The following OTUD7A variants were observed in gnomAD, a reference collection of about 807,000 sequenced individuals.
OTUD7A encodes OTU domain-containing protein 7A.
OTUD7A carries 12 observed loss-of-function variants against 65.7 expected under a neutral mutation model. The ratio of observed to expected loss-of-function variants is 0.18; its 90% CI spans 0.12 to 0.30. OTUD7A has a LOEUF of 0.30. Ranked by LOEUF, OTUD7A falls within the 10% of genes least tolerant of loss-of-function variation. OTUD7A has a pLI of 1.00. For missense variants in OTUD7A, 1,148 were observed against 1,304.8 expected (o/e 0.88, Z 1.85); for synonymous variants, 641 against 586.3 (o/e 1.09, Z -1.35).
At chr15:31,778,790 G>C (rs2032546829) in intron 1 of OTUD7A, among the ~76,000 whole-genome samples, 1 of 151,976 alleles carries the variant, frequency 6.6e-6, no homozygotes, top group South Asian at 2.1e-4. Flanking sequence ...ACCGAGTGGG[G>C]GATTCATTTA....
At chr15:31,670,669 T>G (rs1212328728) in intron 1 of OTUD7A, among the ~76,000 whole-genome samples, 2 of 152,204 alleles carry the variant, frequency 1.3e-5, no homozygotes, top group African/African-American at 4.8e-5. Flanking sequence ...TTCTGGATAT[T>G]AGACCTTTAT....
chr15:31,550,308 C>A (rs1167683097), intron 5 of OTUD7A, among the ~76,000 whole-genome samples: 4 of 152,122 alleles, frequency 2.6e-5, no homozygotes, highest in African/African-American at 4.8e-5. Context: ...AGACAGCATG[C>A]ACCCTGGGCA....
Position 31,789,981 on chromosome 15 carries a change from A to T in OTUD7A, c.-100+80526T>A, listed in dbSNP as rs1895773019. On this transcript the variant is annotated intron_variant, in intron 1 of 12. Coordinates refer to ENST00000307050, the MANE Select transcript of OTUD7A (RefSeq NM_001382637.1). ...AGAGGTACAGGGTGCCAGAGCGGGGAGACTGGCTGACTAATGCCTAGCAAG... is the reference window on the plus strand; with the variant it reads ...AGAGGTACAGGGTGCCAGAGCGGGGTGACTGGCTGACTAATGCCTAGCAAG... 3.9e-5 allele frequency among the ~76,000 whole-genome samples: 6 copies of T among 152,316 alleles called. No individual in the cohort carries two copies. The South Asian group carries it at 1.2e-3, about 32-fold the overall frequency.
chr15:31,570,442 TACACACACACACACACACACACAC>T (rs57517466), intron 3 of OTUD7A, among the ~76,000 whole-genome samples: 1,626 of 143,324 alleles, frequency 0.011, 41 homozygotes, highest in African/African-American at 0.041. Context: ...TTTAGGTTCA[TACACACACACACACACACACACAC>T]ACACACACAC....
intron 5 of OTUD7A, among the ~76,000 whole-genome samples, chr15:31,540,557 A>G (rs141572664): frequency 3.7e-4 from 56 of 152,284 alleles, no homozygotes; most frequent in African/African-American, 1.1e-3. Context: ...TCAGTGTTCA[A>G]TTCTTAAAAA....
chr15:31,664,643 C>G lies in OTUD7A; in HGVS notation c.-99-7566G>C, dbSNP rs187567401. 2.0e-3 allele frequency among the ~76,000 whole-genome samples: 300 copies of G among 152,270 alleles called. 1 individual carries two copies. The highest frequency in any genetic ancestry group is 0.01 in the East Asian group (54 of 5,178). ...TCTGCTGGCTGTTCCTTTTACCATG[C>G]AAAAGCTCTTTAGTTTAATTAAGTC... On this transcript the variant is annotated intron_variant, in intron 1 of 12. Transcript: ENST00000307050.
chr15:31,639,637 G>A (rs959876460), intron 3 of OTUD7A, among the ~76,000 whole-genome samples: 18 of 151,516 alleles, frequency 1.2e-4, no homozygotes, highest in Admixed American at 8.6e-4. Flanking sequence ...AACCAGCAGC[G>A]TACAAATTTA....
At chr15:31,773,032 A>G (rs1173495919) in intron 1 of OTUD7A, among the ~76,000 whole-genome samples, 1 of 152,214 alleles carries the variant, frequency 6.6e-6, no homozygotes, top group Non-Finnish European at 1.5e-5. Context: ...ATAATTACAG[A>G]TATGTATATT....
intron 8 of OTUD7A, among the ~76,000 whole-genome samples, chr15:31,518,030 C>G (rs1176177527): frequency 6.6e-6 from 1 of 152,182 alleles, no homozygotes; most frequent in Non-Finnish European, 1.5e-5. Context: ...GTCCACACCT[C>G]CTGTTTTGCT....
intron 5 of OTUD7A, among the ~76,000 whole-genome samples, chr15:31,548,214 G>A (rs1888198928): frequency 3.0e-5 from 2 of 67,112 alleles, no homozygotes; most frequent in South Asian, 1.7e-3. Flanking sequence ...ATCATCTGTG[G>A]GCGCCCTGGG....
rs768246839 is a variant in OTUD7A, at chr15:31,743,654, C to T, written c.-99-86577G>A. Among the ~76,000 whole-genome samples, 8 of 152,140 alleles carry T rather than the reference C, an allele frequency of 5.3e-5. No individual in the cohort carries two copies. In the South Asian group the frequency reaches 1.7e-3, roughly 32 times the overall value. On this transcript the variant is annotated intron_variant, in intron 1 of 12. Transcript: ENST00000307050. ...GGGGATGGTAGCTCATGCCTGTAAT[C>T]CCAGCACTTTGGGAGGCCAAGGCAG...
intron 3 of OTUD7A, among the ~76,000 whole-genome samples, chr15:31,645,541 T>C (rs1488517971): frequency 6.6e-6 from 1 of 152,230 alleles, no homozygotes; most frequent in Non-Finnish European, 1.5e-5. Context: ...TATTACTTCA[T>C]CCATCCACGT....
At chr15:31,625,679 G>C (rs781516138) in intron 3 of OTUD7A, among the ~76,000 whole-genome samples, 1 of 152,094 alleles carries the variant, frequency 6.6e-6, no homozygotes, top group Non-Finnish European at 1.5e-5. Flanking sequence ...GAAAAGCAAA[G>C]CCACATCTCC....
In OTUD7A at chr15:31,503,838, C is replaced by T. The variant is rs1413937172; in HGVS notation, c.894-20G>A. 11 of 1,613,720 alleles carry T rather than the reference C, an allele frequency of 6.8e-6. No homozygotes were observed. The highest frequency in any genetic ancestry group is 9.3e-6 in the Non-Finnish European group (11 of 1,179,960). On this transcript the variant is annotated intron_variant, in intron 8 of 12. Coordinates refer to ENST00000307050, the MANE Select transcript of OTUD7A (RefSeq NM_001382637.1). The stretch of plus-strand genomic sequence containing the variant: ...TCCACACTGTGAAACAAAACAGAGC[C>T]AGCTGGTCACTGACTAAAACAGGGT...
chr15:31,503,971 T>C (rs2041515771), intron 8 of OTUD7A, among the ~76,000 whole-genome samples, 153 bp from the exon 9 acceptor site: 1 of 152,202 alleles, frequency 6.6e-6, no homozygotes, highest in Non-Finnish European at 1.5e-5. Flanking sequence ...CCACTTCTCA[T>C]GCCATCCGCC....
At chr15:31,548,126 ATCAG>A (rs1888193489) in intron 5 of OTUD7A, among the ~76,000 whole-genome samples, 1 of 148,888 alleles carries the variant, frequency 6.7e-6, no homozygotes. Flanking sequence ...GGACTTGGGG[ATCAG>A]TCACTCTGTG....
chr15:31,561,961 C>T (rs907166799), intron 4 of OTUD7A, among the ~76,000 whole-genome samples: 4 of 152,180 alleles, frequency 2.6e-5, no homozygotes, highest in African/African-American at 4.8e-5. Flanking sequence ...TACAGAATTT[C>T]CCTGCCACTG....
chr15:31,508,154 G>A (rs1388904778), intron 8 of OTUD7A, among the ~76,000 whole-genome samples: 1 of 152,144 alleles, frequency 6.6e-6, no homozygotes, highest in African/African-American at 2.4e-5. Context: ...AATAGAGAAA[G>A]TATATGAAAA....
chr15:31,532,893 C>T (rs1887675703), intron 5 of OTUD7A, among the ~76,000 whole-genome samples: 1 of 146,168 alleles, frequency 6.8e-6, no homozygotes, highest in Admixed American at 6.9e-5. Flanking sequence ...GAAATCGCGC[C>T]ACTGCACTTA....
Sources: allele counts gnomAD v4.1 joint callset (sites outside exome capture counted in the v4.1 genomes callset), GRCh38; gene constraint gnomAD v4.1.1; transcripts MANE v1.5; gene names NCBI Gene and HGNC (gene_info 2026-07-23, HGNC 2026-07-21).